Variants in SORCS3 observed in about 807,000 individuals in gnomAD.
The protein encoded by SORCS3 is sortilin related VPS10 domain containing receptor 3.
SORCS3 carries 57 observed loss-of-function variants against 146.3 expected under a neutral mutation model. The observed-to-expected ratio is 0.39, with a 90% CI of 0.31 to 0.49. The LOEUF (loss-of-function observed/expected upper bound fraction) is 0.49. SORCS3 is among the 20% of genes least tolerant of loss of function. The probability of loss-of-function intolerance (pLI) is 0.92; values close to 1 mark genes in which losing one functional copy is unlikely to be tolerated. For synonymous variants in SORCS3, 653 were observed against 618.5 expected (o/e 1.06, Z -0.83); for missense variants, 1,341 against 1,575.5 (o/e 0.85, Z 2.52).
intron 11 of SORCS3, among the ~76,000 whole-genome samples, chr10:105,163,329 C>T (rs1410060374): frequency 6.6e-6 from 1 of 152,168 alleles, no homozygotes; most frequent in Non-Finnish European, 1.5e-5. Flanking sequence ...AGCTAACATT[C>T]TCTTCCTGCT....
chr10:104,806,936 G>A lies in SORCS3; in HGVS notation c.628-35856G>A, dbSNP rs551099090. Among the ~76,000 whole-genome samples the A allele has an allele frequency of 2.2e-4, 34 of 152,244 alleles. 1 individual carries two copies. The highest frequency in any genetic ancestry group is 3.4e-3 in the Middle Eastern group (1 of 294). On this transcript the variant is annotated intron_variant, in intron 1 of 26. Coordinates refer to ENST00000369701, the MANE Select transcript of SORCS3 (RefSeq NM_014978.3). ...TTTAGGGTTTAGTCTGAGCTGTTGA[G>A]ATCTCCCTTTCCATTTTGGATGATG...
At chr10:105,045,037 A>AAAAAAAAAAAAAGAAAGAAAG (rs796179490) in intron 5 of SORCS3, among the ~76,000 whole-genome samples, 2 of 128,754 alleles carry the variant, frequency 1.6e-5, no homozygotes, top group African/African-American at 2.8e-5. Context: ...AAAAAAAAAA[A>AAAAAAAAAAAAAGAAAGAAAG]AAAAGAAAGA....
intron 20 of SORCS3, among the ~76,000 whole-genome samples, chr10:105,242,943 A>T (rs1387559793): frequency 1.1e-5 from 1 of 94,906 alleles, no homozygotes; most frequent in Non-Finnish European, 2.0e-5. Flanking sequence ...ATTATATATA[A>T]TATATGATAT....
chr10:104,915,669 T>A (rs552078198), intron 2 of SORCS3, among the ~76,000 whole-genome samples, 164 bp from the exon 3 acceptor site: 1 of 152,144 alleles, frequency 6.6e-6, no homozygotes, highest in Non-Finnish European at 1.5e-5. Flanking sequence ...GGTGCATTAG[T>A]CTAATTGCTC....
chr10:105,260,836 A>G (rs1371543287), intron 25 of SORCS3, among the ~76,000 whole-genome samples: 4 of 152,210 alleles, frequency 2.6e-5, no homozygotes, highest in African/African-American at 9.6e-5. Context: ...AGTGATATCT[A>G]TGCTAGTAAT....
chr10:105,109,960 AAT>A (rs1193777703), intron 7 of SORCS3, among the ~76,000 whole-genome samples: 1 of 151,486 alleles, frequency 6.6e-6, no homozygotes, highest in African/African-American at 2.4e-5. Flanking sequence ...CATATCTTGA[AAT>A]ATGTTTTCTA....
intron 3 of SORCS3, among the ~76,000 whole-genome samples, chr10:104,976,470 A>G (rs1238874869): frequency 6.6e-6 from 1 of 152,210 alleles, no homozygotes. Flanking sequence ...GGGGGACTGT[A>G]AACTAGTTCA....
intron 5 of SORCS3, among the ~76,000 whole-genome samples, chr10:105,086,652 A>G (rs1235762763): frequency 6.6e-6 from 1 of 152,214 alleles, no homozygotes; most frequent in Non-Finnish European, 1.5e-5. Context: ...TTTATTGACC[A>G]CAATCAGGCT....
chr10:104,671,862 CA>C (rs2015859285), intron 1 of SORCS3, among the ~76,000 whole-genome samples: 1 of 152,170 alleles, frequency 6.6e-6, no homozygotes, highest in East Asian at 1.9e-4. Context: ...GATGCTGCCA[CA>C]TTTGGTTTAC....
chr10:105,032,353 T>A (rs2055274474), intron 4 of SORCS3, among the ~76,000 whole-genome samples: 1 of 152,170 alleles, frequency 6.6e-6, no homozygotes, highest in Admixed American at 6.5e-5. Context: ...TGGACGGAAA[T>A]CACCATCAGT....
chr10:105,187,222 C>G (rs1316241837), intron 14 of SORCS3, among the ~76,000 whole-genome samples: 3 of 152,098 alleles, frequency 2.0e-5, no homozygotes, highest in Non-Finnish European at 2.9e-5. Context: ...CCCACCTCTT[C>G]CCCCCATATT....
intron 5 of SORCS3, among the ~76,000 whole-genome samples, chr10:105,063,140 G>T (rs1421488130): frequency 6.6e-6 from 1 of 152,160 alleles, no homozygotes; most frequent in African/African-American, 2.4e-5. Context: ...ATGTCAAAAT[G>T]ACTATTAAAT....
intron 9 of SORCS3, among the ~76,000 whole-genome samples, chr10:105,148,098 A>G (rs1467331126): frequency 1.3e-5 from 2 of 152,096 alleles, no homozygotes; most frequent in Non-Finnish European, 2.9e-5. Flanking sequence ...AAATTAAGGT[A>G]TTTGGCCTAG....
intron 1 of SORCS3, among the ~76,000 whole-genome samples, chr10:104,783,679 A>T (rs1422535026): frequency 6.6e-6 from 1 of 152,184 alleles, no homozygotes; most frequent in African/African-American, 2.4e-5. Flanking sequence ...GTGAACCAAG[A>T]TTGCGCCATT....
chr10:104,745,725 ACCTCC>A (rs1384693650), intron 1 of SORCS3, among the ~76,000 whole-genome samples: 3 of 151,872 alleles, frequency 2.0e-5, no homozygotes, highest in African/African-American at 7.3e-5. Flanking sequence ...TTTGACTGAT[ACCTCC>A]CACTTGCCCC....
chr10:105,096,899 T>C (rs809853), intron 6 of SORCS3, among the ~76,000 whole-genome samples: 24,158 of 152,236 alleles, frequency 0.16, 2,128 homozygotes, highest in Middle Eastern at 0.2. Context: ...ATATTGATGA[T>C]ATGATGAAAT....
At chr10:104,913,565 A>C (rs558359774) in intron 2 of SORCS3, among the ~76,000 whole-genome samples, 26 of 152,308 alleles carry the variant, frequency 1.7e-4, no homozygotes, top group African/African-American at 6.0e-4. Context: ...TTGTTTATTC[A>C]GTAAACGTGA....
chr10:105,078,237 G>A (rs1047603867), intron 5 of SORCS3, among the ~76,000 whole-genome samples: 4 of 152,140 alleles, frequency 2.6e-5, no homozygotes, highest in African/African-American at 9.7e-5. Context: ...TACTGCTGGG[G>A]TTATTGTTCC....
In SORCS3 at chr10:104,754,998, A is replaced by G. The variant is rs549820514; in HGVS notation, c.628-87794A>G. ...ATGCCAAAGAAGAAATTAAATTAGA[A>G]AAGGTGCAATTGAAATAACCCAGCT... is the stretch of plus-strand genomic sequence containing the variant. On this transcript the variant is annotated intron_variant, in intron 1 of 26. Coordinates refer to ENST00000369701, the MANE Select transcript of SORCS3 (RefSeq NM_014978.3). 3.3e-5 allele frequency among the ~76,000 whole-genome samples: 5 copies of G among 152,358 alleles called. No individual in the cohort carries two copies. In the South Asian group the frequency reaches 6.2e-4, roughly 19 times the overall value.
Sources: gnomAD v4.1 joint callset for allele counts (sites outside exome capture counted in the v4.1 genomes callset) on GRCh38, gnomAD v4.1.1 for gene constraint, MANE v1.5 for transcripts, NCBI Gene and HGNC (gene_info 2026-07-23, HGNC 2026-07-21) for gene names.